The following LHFPL6 variants were observed in gnomAD, a reference collection of about 807,000 sequenced individuals.
LHFPL6 encodes the protein LHFPL tetraspan subfamily member 6 protein.
In LHFPL6, 9 loss-of-function variants were observed where a neutral mutation model predicts 20.6. The observed-to-expected ratio is 0.44, with a 90% CI of 0.26 to 0.76. The LOEUF (loss-of-function observed/expected upper bound fraction) is 0.76. Among genes scored for constraint, LHFPL6 ranks in the 30% least tolerant of loss-of-function variants. The pLI is 0.20. For missense variants in LHFPL6, 218 were observed against 253.5 expected (o/e 0.86, Z 0.95); for synonymous variants, 105 against 98.7 (o/e 1.06, Z -0.38).
intron 2 of LHFPL6, among the ~76,000 whole-genome samples, chr13:39,498,037 C>T (rs936262469): frequency 6.6e-6 from 1 of 152,136 alleles, no homozygotes; most frequent in South Asian, 2.1e-4. Context: ...ACCTAGAGTC[C>T]CTATCAGTCA....
intron 2 of LHFPL6, among the ~76,000 whole-genome samples, chr13:39,477,538 C>A (rs1024335436): frequency 6.6e-6 from 1 of 152,148 alleles, no homozygotes; most frequent in African/African-American, 2.4e-5. Flanking sequence ...CCCCTGGGTG[C>A]CTGCCTTTAG....
intron 2 of LHFPL6, among the ~76,000 whole-genome samples, chr13:39,587,902 G>C (rs1185785658): frequency 6.6e-6 from 1 of 151,992 alleles, no homozygotes; most frequent in Non-Finnish European, 1.5e-5. Flanking sequence ...TCTAGGAGGA[G>C]GAACCATGCC....
intron 2 of LHFPL6, among the ~76,000 whole-genome samples, chr13:39,416,119 A>G (rs1252292433): frequency 1.3e-5 from 2 of 152,254 alleles, no homozygotes; most frequent in African/African-American, 4.8e-5. Context: ...GAAATGGTAA[A>G]GAAAATTAAT....
At chr13:39,424,579 T>C (rs1238213197) in intron 2 of LHFPL6, among the ~76,000 whole-genome samples, 1 of 152,206 alleles carries the variant, frequency 6.6e-6, no homozygotes, top group Non-Finnish European at 1.5e-5. Context: ...ATTTATCACC[T>C]GTTTATGTGC....
chr13:39,447,910 T>C (rs1373648836), intron 2 of LHFPL6, among the ~76,000 whole-genome samples: 1 of 152,206 alleles, frequency 6.6e-6, no homozygotes, highest in Non-Finnish European at 1.5e-5. Flanking sequence ...GGGATGTTCT[T>C]CCATTCCTCT....
chr13:39,347,595 G>A (rs1869444310), intron 3 of LHFPL6, among the ~76,000 whole-genome samples: 1 of 151,374 alleles, frequency 6.6e-6, no homozygotes, highest in South Asian at 2.1e-4. Flanking sequence ...AGGTCTCACT[G>A]GCACAATGAC....
intron 2 of LHFPL6, among the ~76,000 whole-genome samples, chr13:39,435,278 G>C (rs1871927517): frequency 1.3e-5 from 2 of 151,996 alleles, no homozygotes; most frequent in African/African-American, 4.8e-5. Context: ...TTGTTGTCCA[G>C]ACTTGAGCAT....
intron 2 of LHFPL6, among the ~76,000 whole-genome samples, chr13:39,474,608 T>G (rs1017809034): frequency 6.6e-5 from 10 of 152,218 alleles, no homozygotes; most frequent in Non-Finnish European, 8.8e-5. Flanking sequence ...AAAAATACTC[T>G]TAGGTTAATG....
chr13:39,533,728 A>G (rs1013924717), intron 2 of LHFPL6, among the ~76,000 whole-genome samples: 1 of 152,224 alleles, frequency 6.6e-6, no homozygotes, highest in Non-Finnish European at 1.5e-5. Flanking sequence ...TTTCTATGGC[A>G]GATTGGAAGA....
At chr13:39,537,423 T>C (rs1185811506) in intron 2 of LHFPL6, among the ~76,000 whole-genome samples, 2 of 152,240 alleles carry the variant, frequency 1.3e-5, no homozygotes, top group Admixed American at 1.3e-4. Context: ...TGTCTGCCTC[T>C]GGCAGATTTA....
At chr13:39,493,780 T>C (rs1247604844) in intron 2 of LHFPL6, among the ~76,000 whole-genome samples, 1 of 152,190 alleles carries the variant, frequency 6.6e-6, no homozygotes, top group Non-Finnish European at 1.5e-5. Context: ...GCTCTGACCC[T>C]ATCATCAATG....
At chr13:39,523,365 G>C (rs1039102957) in intron 2 of LHFPL6, among the ~76,000 whole-genome samples, 30 of 152,038 alleles carry the variant, frequency 2.0e-4, no homozygotes, top group South Asian at 1.2e-3. Context: ...GTCAGGAGAT[G>C]GAGACCATCC....
intron 2 of LHFPL6, among the ~76,000 whole-genome samples, chr13:39,453,896 C>T (rs779402341): frequency 2.0e-5 from 3 of 152,308 alleles, no homozygotes; most frequent in African/African-American, 4.8e-5. Context: ...TCTAGCCCAT[C>T]GGCCACCTGA....
At chr13:39,431,184 C>T (rs995022090) in intron 2 of LHFPL6, among the ~76,000 whole-genome samples, 4 of 152,112 alleles carry the variant, frequency 2.6e-5, no homozygotes, top group Non-Finnish European at 5.9e-5. Context: ...ACTCTGGACA[C>T]ATCTGAACAT....
chr13:39,453,056 T>C (rs1217660707), intron 2 of LHFPL6, among the ~76,000 whole-genome samples: 1 of 152,134 alleles, frequency 6.6e-6, no homozygotes, highest in African/African-American at 2.4e-5. Flanking sequence ...TTATGAACAC[T>C]TGAGATAGAG....
chr13:39,503,104 C>T lies in LHFPL6; in HGVS notation c.385+97728G>A, dbSNP rs889402465. Among the ~76,000 whole-genome samples, 3 of 152,130 alleles carry T rather than the reference C, an allele frequency of 2.0e-5. No individual in the cohort carries two copies. In the East Asian group the frequency reaches 5.8e-4, roughly 29 times the overall value. ...AATCCATACATATGTGAGTCCTATG[C>T]CCAGAACTCTGGGTGGTTCCAAGCT... On this transcript the variant is annotated intron_variant, in intron 2 of 3. Coordinates refer to ENST00000379589, the MANE Select transcript of LHFPL6 (RefSeq NM_005780.3).
intron 2 of LHFPL6, among the ~76,000 whole-genome samples, chr13:39,549,220 GA>G (rs757040575): frequency 4.6e-5 from 7 of 152,058 alleles, no homozygotes; most frequent in Middle Eastern, 3.4e-3. Flanking sequence ...GATTTTCAAC[GA>G]AAGTGCAAAG....
At chr13:39,474,120 C>T (rs1873019013) in intron 2 of LHFPL6, among the ~76,000 whole-genome samples, 1 of 152,182 alleles carries the variant, frequency 6.6e-6, no homozygotes, top group South Asian at 2.1e-4. Flanking sequence ...GACACAAAGC[C>T]TCTGCTAACA....
intron 3 of LHFPL6, among the ~76,000 whole-genome samples, chr13:39,369,591 C>CTTCCTTCCTTCCTTCCTTCCTTCCT (rs1870106397): frequency 6.8e-6 from 1 of 147,606 alleles, no homozygotes; most frequent in Non-Finnish European, 1.5e-5. Flanking sequence ...TCCTTCCTTC[C>CTTCCTTCCTTCCTTCCTTCCTTCCT]TTCCTTCCTC....
Sources: gnomAD v4.1 joint callset for allele counts (sites outside exome capture counted in the v4.1 genomes callset) on GRCh38, gnomAD v4.1.1 for gene constraint, MANE v1.5 for transcripts, NCBI Gene and HGNC (gene_info 2026-07-23, HGNC 2026-07-21) for gene names.